The following RAB23 variants were observed in gnomAD, a reference collection of about 807,000 sequenced individuals.
RAB23 encodes the protein RAB23, member RAS oncogene family.
A neutral mutation model predicts 30.0 loss-of-function variants in RAB23; 15 were observed. The observed-to-expected ratio is 0.50, with a 90% CI of 0.33 to 0.77. The LOEUF is 0.77. Ranked by LOEUF, RAB23 falls within the 30% of genes least tolerant of loss-of-function variation. The pLI is 0.02. For synonymous variants in RAB23, 93 were observed against 94.0 expected, an observed-to-expected ratio of 0.99 and a Z score of 0.06; for missense variants, 243 against 275.4, an observed-to-expected ratio of 0.88 and a Z score of 0.83.
In RAB23 at chr6:57,188,837, C is replaced by T. The variant is rs1035030656; in HGVS notation, c.*1624G>A. On this transcript the variant is annotated 3_prime_UTR_variant, in exon 7 of 7. Transcript: ENST00000468148. ...TCTAAAATGGCAAAGAGAACATTTA[C>T]TTTTGATCACTTAACAAGGACACAC... The T allele has an allele frequency of 1.3e-5, 2 of 151,976 alleles. No homozygotes were observed. Among genetic ancestry groups the T allele is most frequent in the Non-Finnish European group, 2.9e-5 (2 of 67,980 alleles). The allele number at this position is 151,976 out of a possible 1,614,324, so 9.4% of individuals were successfully genotyped here. A position where few individuals can be genotyped will look rare whatever the true frequency, so the allele number is the denominator to read the frequency against.
intron 1 of RAB23, among the ~76,000 whole-genome samples, chr6:57,217,270 G>C (rs1162346006): frequency 2.6e-5 from 4 of 151,804 alleles, no homozygotes; most frequent in African/African-American, 9.7e-5. Context: ...AACTTTGTGG[G>C]GCACAGCTAA....
rs1158428117 is a variant in RAB23, at chr6:57,222,281, C to A, written c.-621G>T. On this transcript the variant is annotated 5_prime_UTR_variant, in exon 1 of 7. Coordinates refer to ENST00000468148, the MANE Select transcript of RAB23 (RefSeq NM_016277.5). ...GCGCGGGAGTCTCGACTCCCCTCAT[C>A]TGTGGACCCGCCGCGCTGCGGAGCA... is the stretch of plus-strand genomic sequence containing the variant. The A allele has an allele frequency of 6.6e-6, 1 of 152,358 alleles. No homozygotes were observed. The highest frequency in any genetic ancestry group is 1.9e-4 in the East Asian group (1 of 5,178). The allele number at this position is 152,358 out of a possible 1,614,324, so 9.4% of individuals were successfully genotyped here.
chr6:57,214,412 T>TCAAG (rs757349577), intron 1 of RAB23, among the ~76,000 whole-genome samples: 1 of 152,060 alleles, frequency 6.6e-6, no homozygotes, highest in Non-Finnish European at 1.5e-5. Context: ...CTTCCTGGGC[T>TCAAG]CAAGCAATCA....
rs906673617 is a variant in RAB23 at position 57,188,001 on chromosome 6, G to A, written c.*2460C>T. The A allele has an allele frequency of 1.3e-5, 2 of 152,112 alleles. No individual in the cohort carries two copies. Among genetic ancestry groups the A allele is most frequent in the Non-Finnish European group, 2.9e-5 (2 of 68,016 alleles). The allele number at this position is 152,112 out of a possible 1,614,324, so 9.4% of individuals were successfully genotyped here. Reference sequence around the variant, plus strand: ...TAGACAGAGACTGGAAAAGGAAAAGGAAACCTGAGGAACTCTGAAATATGG... The same window carrying A: ...TAGACAGAGACTGGAAAAGGAAAAGAAAACCTGAGGAACTCTGAAATATGG... On this transcript the variant is annotated 3_prime_UTR_variant, in exon 7 of 7. Transcript: ENST00000468148.
intron 6 of RAB23, among the ~76,000 whole-genome samples, chr6:57,192,386 G>A (rs1764872206): frequency 6.6e-6 from 1 of 152,140 alleles, no homozygotes; most frequent in Non-Finnish European, 1.5e-5. Flanking sequence ...ACCAGTTCTC[G>A]CCCACAAGAA....
chr6:57,189,701 T>C lies in RAB23; in HGVS notation c.*760A>G, dbSNP rs1032632628. On this transcript the variant is annotated 3_prime_UTR_variant, in exon 7 of 7. Coordinates refer to ENST00000468148, the MANE Select transcript of RAB23 (RefSeq NM_016277.5). The stretch of plus-strand genomic sequence containing the variant: ...CTTTTAAAAGATATAATAAACAATA[T>C]AAATTCTGATAGTAAAGCACTATAA... 12 of 152,670 alleles carry C rather than the reference T, an allele frequency of 7.9e-5. No individual in the cohort carries two copies. The highest frequency in any genetic ancestry group is 2.9e-4 in the African/African-American group (12 of 41,458). The allele number at this position is 152,670 out of a possible 1,614,324, so 9.5% of individuals were successfully genotyped here. A position where few individuals can be genotyped will look rare whatever the true frequency, so the allele number is the denominator to read the frequency against.
chr6:57,198,130 A>G (rs958323995), intron 3 of RAB23, among the ~76,000 whole-genome samples: 4 of 152,184 alleles, frequency 2.6e-5, no homozygotes, highest in African/African-American at 9.6e-5. Context: ...ACAGAAAGAG[A>G]GAGACAAAGA....
intron 3 of RAB23, among the ~76,000 whole-genome samples, chr6:57,204,999 G>A (rs1401183343): frequency 6.0e-5 from 9 of 151,052 alleles, no homozygotes; most frequent in Non-Finnish European, 1.2e-4. Flanking sequence ...CATATGTACA[G>A]ACATGTTTAC....
Position 57,188,370 on chromosome 6 carries a change from G to C in RAB23, c.*2091C>G, listed in dbSNP as rs954579847. On this transcript the variant is annotated 3_prime_UTR_variant, in exon 7 of 7. Transcript: ENST00000468148. ...TCTCTTCAGTTCTTATTTAAAAAAA[G>C]ATAAAACTAGGTACATAAAATTATA... 2 of 151,988 alleles carry C rather than the reference G, an allele frequency of 1.3e-5. No individual in the cohort carries two copies. The highest frequency in any genetic ancestry group is 4.8e-5 in the African/African-American group (2 of 41,398). 9.4% of individuals were successfully genotyped at this position (151,988 alleles called of 1,614,324 possible).
chr6:57,191,128 C>G (rs1764823898), intron 6 of RAB23, among the ~76,000 whole-genome samples: 1 of 152,120 alleles, frequency 6.6e-6, no homozygotes, highest in African/African-American at 2.4e-5. Flanking sequence ...TCAATGGACA[C>G]AGATTTATGA....
Position 57,196,546 on chromosome 6 carries a change from G to A in RAB23, c.302C>T (p.Ser101Phe). The A allele has an allele frequency of 1.2e-6, 2 of 1,613,950 alleles. No individual in the cohort carries two copies. The highest frequency in any genetic ancestry group is 8.5e-7 in the Non-Finnish European group (1 of 1,179,966). ...GGCTACTACTTTCTCTCTCCAACTGGAAACTGCTTCAAAAGATTCCCTATC... is the reference window on the plus strand; with the variant it reads ...GGCTACTACTTTCTCTCTCCAACTGAAAACTGCTTCAAAAGATTCCCTATC... ...TTDRESFEAVSSWREKVVAEV... is the reference protein window; with the variant it reads ...TTDRESFEAVFSWREKVVAEV... Residue 101 changes from serine (S) to phenylalanine (F), a missense_variant, in exon 4 of 7, where the codon TCC (serine) becomes TTC (phenylalanine). By Grantham distance (155) the Ser-to-Phe change is radical (BLOSUM62 -2). Coordinates refer to ENST00000468148, the MANE Select transcript of RAB23 (RefSeq NM_016277.5).
At chr6:57,216,768 G>C (rs1187465160) in intron 1 of RAB23, among the ~76,000 whole-genome samples, 1 of 152,054 alleles carries the variant, frequency 6.6e-6, no homozygotes, top group Non-Finnish European at 1.5e-5. Context: ...GAAAGGGATG[G>C]GGGAATTCCC....
At chr6:57,214,119 T>G (rs983005723) in intron 1 of RAB23, among the ~76,000 whole-genome samples, 3 of 151,900 alleles carry the variant, frequency 2.0e-5, no homozygotes, top group Non-Finnish European at 4.4e-5. Flanking sequence ...CCTTTTCACC[T>G]CTACTTTTTT....
chr6:57,191,147 C>T (rs1158674048), intron 6 of RAB23, among the ~76,000 whole-genome samples: 1 of 152,016 alleles, frequency 6.6e-6, no homozygotes, highest in Non-Finnish European at 1.5e-5. Flanking sequence ...GATTTTAAAG[C>T]TCTTGTTTTA....
At chr6:57,194,311 A>G (rs1481810166) in intron 5 of RAB23, among the ~76,000 whole-genome samples, 2 of 152,086 alleles carry the variant, frequency 1.3e-5, no homozygotes, top group Admixed American at 6.5e-5. Flanking sequence ...TGCAATCTAA[A>G]TAAGTGGCAA....
intron 3 of RAB23, among the ~76,000 whole-genome samples, chr6:57,205,165 C>T (rs1460684115): frequency 6.6e-6 from 1 of 150,830 alleles, no homozygotes; most frequent in Non-Finnish European, 1.5e-5. Flanking sequence ...CATATATACA[C>T]ACTATATTAA....
chr6:57,192,731 GAAAGAA>G (rs1271559902), intron 6 of RAB23, among the ~76,000 whole-genome samples: 2 of 152,034 alleles, frequency 1.3e-5, no homozygotes, highest in Non-Finnish European at 2.9e-5. Flanking sequence ...CTTTAAAAAA[GAAAGAA>G]AAAGAGTATG....
intron 3 of RAB23, among the ~76,000 whole-genome samples, chr6:57,199,388 T>C (rs1299942669): frequency 6.6e-6 from 1 of 152,208 alleles, no homozygotes; most frequent in Non-Finnish European, 1.5e-5. Context: ...CTCCCTTCCT[T>C]GCCTCATTCT....
intron 3 of RAB23, among the ~76,000 whole-genome samples, chr6:57,203,429 C>T (rs1241100345): frequency 6.6e-6 from 1 of 152,144 alleles, no homozygotes; most frequent in Non-Finnish European, 1.5e-5. Context: ...TTAGGCCAGC[C>T]TATCTGTTTC....
Sources: allele counts gnomAD v4.1 joint callset (sites outside exome capture counted in the v4.1 genomes callset), GRCh38; gene constraint gnomAD v4.1.1; transcripts MANE v1.5; gene names NCBI Gene and HGNC (gene_info 2026-07-23, HGNC 2026-07-21).